The following DLGAP2 variants were observed in gnomAD, a reference collection of about 807,000 sequenced individuals.
DLGAP2 encodes the protein disks large-associated protein 2.
DLGAP2 carries 26 observed loss-of-function variants against 100.3 expected under a neutral mutation model. That is an observed-to-expected ratio of 0.26 (90% CI 0.19 to 0.36). The LOEUF is 0.36. Among genes scored for constraint, DLGAP2 ranks in the 10% least tolerant of loss-of-function variants. The probability of loss-of-function intolerance (pLI) is 1.00; values close to 1 mark genes in which losing one functional copy is unlikely to be tolerated. For synonymous variants in DLGAP2, 886 were observed against 630.1 expected (o/e 1.41, Z -6.08); for missense variants, 1,858 against 1,453.2 (o/e 1.28, Z -4.53).
At chr8:1,365,388 C>T (rs146802389) in intron 3 of DLGAP2, among the ~76,000 whole-genome samples, 68 of 152,254 alleles carry the variant, frequency 4.5e-4, no homozygotes, top group African/African-American at 1.5e-3. Context: ...TGGATTCCTG[C>T]CTCTCCACTG....
intron 2 of DLGAP2, among the ~76,000 whole-genome samples, chr8:1,153,698 G>T (rs551024150): frequency 6.6e-6 from 1 of 152,278 alleles, no homozygotes; most frequent in South Asian, 2.1e-4. Context: ...GGCTTTTCCT[G>T]CATTGCCAGA....
intron 6 of DLGAP2, among the ~76,000 whole-genome samples, chr8:1,571,691 G>A (rs1434362367): frequency 1.4e-5 from 2 of 140,784 alleles, no homozygotes; most frequent in African/African-American, 2.7e-5. Context: ...GGCATCTTCT[G>A]GGATGGAGAG....
intron 2 of DLGAP2, among the ~76,000 whole-genome samples, chr8:946,440 G>T (rs368019272): frequency 9.9e-5 from 15 of 151,718 alleles, no homozygotes; most frequent in South Asian, 4.2e-4. Flanking sequence ...ATTTTTTGTA[G>T]TTTTTGTAGA....
intron 2 of DLGAP2, among the ~76,000 whole-genome samples, chr8:1,156,549 C>T (rs1203974267): frequency 6.6e-6 from 1 of 151,632 alleles, no homozygotes; most frequent in East Asian, 1.9e-4. Flanking sequence ...CCCCAAATCC[C>T]GGCCACGCTC....
At chr8:864,503 G>T (rs751887491) in intron 1 of DLGAP2, among the ~76,000 whole-genome samples, 1 of 152,146 alleles carries the variant, frequency 6.6e-6, no homozygotes, top group Non-Finnish European at 1.5e-5. Flanking sequence ...TCACTATTCT[G>T]GGACATCTTT....
chr8:754,550 AGGGATTG>A (rs1330930771), intron 1 of DLGAP2, among the ~76,000 whole-genome samples: 1 of 152,222 alleles, frequency 6.6e-6, no homozygotes, highest in Non-Finnish European at 1.5e-5. Context: ...GCCACAGAAT[AGGGATTG>A]AAAAGCAGTG....
chr8:1,059,809 G>A (rs894943364), intron 2 of DLGAP2, among the ~76,000 whole-genome samples: 6 of 152,300 alleles, frequency 3.9e-5, no homozygotes, highest in Non-Finnish European at 5.9e-5. Context: ...ACAGAGACAC[G>A]CCTCTTGGGA....
chr8:778,655 G>A (rs1045417091), intron 1 of DLGAP2, among the ~76,000 whole-genome samples: 4 of 152,190 alleles, frequency 2.6e-5, no homozygotes, highest in African/African-American at 9.7e-5. Flanking sequence ...GGCTGCTCAG[G>A]GGTCAGGGGT....
At chr8:1,686,078 C>CCAAA (rs1418513835) in intron 12 of DLGAP2, among the ~76,000 whole-genome samples, 1 of 152,080 alleles carries the variant, frequency 6.6e-6, no homozygotes, top group East Asian at 1.9e-4. Context: ...GGGCATAGAC[C>CCAAA]CAAACAAAAG....
intron 2 of DLGAP2, among the ~76,000 whole-genome samples, chr8:1,072,301 C>G (rs139429810): frequency 1.3e-5 from 2 of 152,138 alleles, no homozygotes; most frequent in Non-Finnish European, 2.9e-5. Flanking sequence ...ATTGTAATAA[C>G]ATTTTGGAAA....
At chr8:775,531 C>T (rs1332907594) in intron 1 of DLGAP2, among the ~76,000 whole-genome samples, 2 of 127,716 alleles carry the variant, frequency 1.6e-5, no homozygotes, top group Non-Finnish European at 1.6e-5. Context: ...CCCATCAATA[C>T]CTAATTTATT....
intron 3 of DLGAP2, among the ~76,000 whole-genome samples, chr8:1,373,220 T>G (rs1428504197): frequency 6.6e-6 from 1 of 151,706 alleles, no homozygotes. Context: ...GCAGCAAGAC[T>G]CTGTGCTGGA....
intron 4 of DLGAP2, among the ~76,000 whole-genome samples, chr8:1,525,303 C>T (rs578138096): frequency 6.6e-6 from 1 of 151,202 alleles, no homozygotes; most frequent in East Asian, 2.0e-4. Flanking sequence ...CAAGTTACTA[C>T]CACTATGTAT....
chr8:1,423,469 T>A (rs1191437482), intron 3 of DLGAP2, among the ~76,000 whole-genome samples: 1 of 152,190 alleles, frequency 6.6e-6, no homozygotes, highest in Non-Finnish European at 1.5e-5. Flanking sequence ...CCCTGCCATC[T>A]CCATACCGCT....
At chr8:1,348,057 G>A (rs1443502520) in intron 3 of DLGAP2, among the ~76,000 whole-genome samples, 1 of 143,826 alleles carries the variant, frequency 7.0e-6, no homozygotes, top group Non-Finnish European at 1.5e-5. Flanking sequence ...ACACAGAGCT[G>A]CGCTGCTCTC....
chr8:1,053,334 GA>G (rs1239498824), intron 2 of DLGAP2, among the ~76,000 whole-genome samples: 1 of 152,004 alleles, frequency 6.6e-6, no homozygotes. Context: ...AAGTTTGGGG[GA>G]ACATAGAATG....
At chr8:1,632,681 G>A (rs1046843949) in intron 7 of DLGAP2, 146 bp from the exon 8 acceptor site, 36 of 713,684 alleles carry the variant, frequency 5.0e-5, no homozygotes, top group Non-Finnish European at 6.9e-5. Context: ...AAGCTCAGCC[G>A]ATGCCCATGC....
intron 12 of DLGAP2, among the ~76,000 whole-genome samples, chr8:1,688,906 T>A (rs1285163117): frequency 6.6e-6 from 1 of 152,198 alleles, no homozygotes. Context: ...TTCAACTGGC[T>A]CATAGCATTT....
chr8:1,057,237 A>G (rs1367911518), intron 2 of DLGAP2, among the ~76,000 whole-genome samples: 1 of 152,252 alleles, frequency 6.6e-6, no homozygotes, highest in East Asian at 1.9e-4. Flanking sequence ...CTGTATTAAC[A>G]TAGGTTATTA....
Sources: allele counts gnomAD v4.1 joint callset (sites outside exome capture counted in the v4.1 genomes callset), GRCh38; gene constraint gnomAD v4.1.1; transcripts MANE v1.5; gene names NCBI Gene and HGNC (gene_info 2026-07-23, HGNC 2026-07-21).